ITIH6: variants seen among roughly 807,000 people sequenced by gnomAD.
The protein encoded by ITIH6 is inter-alpha-trypsin inhibitor heavy chain family member 6, also known as inter-alpha-trypsin inhibitor heavy chain H6.
In ITIH6, 60 loss-of-function variants were observed where a neutral mutation model predicts 58.2. That is an observed-to-expected ratio of 1.03 (90% CI 0.84 to 1.28). ITIH6 has a LOEUF of 1.28. Ranked by LOEUF, ITIH6 falls within the 50% of genes most tolerant of loss-of-function variation. The pLI is 0.00. For synonymous variants in ITIH6, 493 were observed against 417.4 expected, an observed-to-expected ratio of 1.18 and a Z score of -2.21; for missense variants, 1,290 against 1,021.1, an observed-to-expected ratio of 1.26 and a Z score of -3.59.
intron 4 of ITIH6, among the ~76,000 whole-genome samples, chrX:54,789,466 C>T (rs931961034): frequency 6.3e-5 from 7 of 111,947 alleles, no homozygotes; most frequent in South Asian, 3.7e-4. Context: ...CTTCCTTCCT[C>T]TCAGAGCTCT....
chrX:54,773,694 T>TA (rs1170048488), intron 6 of ITIH6, among the ~76,000 whole-genome samples: 1,130 of 98,665 alleles, frequency 0.011, 10 homozygotes, highest in South Asian at 0.022. Context: ...GCCTTTAAAG[T>TA]AAAAAAAAAA....
rs776625185 is a variant in ITIH6, at chrX:54,758,063, A to T, written c.2011T>A (p.Ser671Thr). ...TTGGTAGAGGCAGTAGTAGTTGAGGATAAGTAGAACTTTGGTTTCACAGGC... is the reference window on the plus strand; with the variant it reads ...TTGGTAGAGGCAGTAGTAGTTGAGGTTAAGTAGAACTTTGGTTTCACAGGC... Reference protein sequence around the residue: ...SRPVKPKFYLSSTTTASTKKM... With the variant: ...SRPVKPKFYLTSTTTASTKKM... The change falls in exon 8 of 13, where the codon TCC becomes ACC. Residue 671 changes from serine (S) to threonine (T), a missense_variant. Ser to Thr is a moderately conservative substitution (Grantham distance 58). Transcript: ENST00000218436. The T allele has an allele frequency of 8.3e-7, 1 of 1,209,577 alleles. No homozygotes were observed. Among genetic ancestry groups the T allele is most frequent in the African/African-American group, 1.8e-5 (1 of 57,045 alleles).
intron 11 of ITIH6, among the ~76,000 whole-genome samples, chrX:54,753,100 C>T (rs973859068): frequency 1.8e-5 from 2 of 112,998 alleles, no homozygotes; most frequent in South Asian, 7.2e-4. Context: ...CAAACAAGGG[C>T]AATTTTTCAA....
At position 54,779,630 on chromosome X, in the gene ITIH6, T is replaced by C. The variant is rs769692988; in HGVS notation, c.787-5433A>G. Among the ~76,000 whole-genome samples, 155 of 110,416 alleles carry C rather than the reference T, an allele frequency of 1.4e-3. 2 individuals are homozygous for C. Among genetic ancestry groups the C allele is most frequent in the African/African-American group, 4.5e-3 (138 of 30,470 alleles). On this transcript the variant is annotated intron_variant, in intron 5 of 12. Transcript: ENST00000218436. ...GGAAGACAGGAAGGAAAAAAAAGGA[T>C]GAGCAGACCACAAAAAGTAGGAAAA... is the stretch of plus-strand genomic sequence containing the variant.
At chrX:54,753,367 T>C (rs993436252) in intron 11 of ITIH6, among the ~76,000 whole-genome samples, 1 of 112,754 alleles carries the variant, frequency 8.9e-6, no homozygotes, top group African/African-American at 3.2e-5. Flanking sequence ...TTTATGTTTT[T>C]AATTTTTTAT....
chrX:54,772,027 A>T lies in ITIH6; in HGVS notation c.903+2054T>A, dbSNP rs550454174. On this transcript the variant is annotated intron_variant, in intron 6 of 12. Coordinates refer to ENST00000218436, the MANE Select transcript of ITIH6 (RefSeq NM_198510.3). ...TACCCAAAGGAATGTAAGTCGTTCTACCATAAAGACTCATGCACATGTATG... is the reference window on the plus strand; with the variant it reads ...TACCCAAAGGAATGTAAGTCGTTCTTCCATAAAGACTCATGCACATGTATG... Among the ~76,000 whole-genome samples the T allele has an allele frequency of 1.1e-4, 12 of 112,263 alleles. No homozygotes were observed. The South Asian group carries it at 4.5e-3, about 42-fold the overall frequency.
At chrX:54,756,606 C>T (rs1387987536) in intron 8 of ITIH6, among the ~76,000 whole-genome samples, 2 of 111,445 alleles carry the variant, frequency 1.8e-5, no homozygotes, top group Non-Finnish European at 3.8e-5. Context: ...CAATAAGACC[C>T]GCCTCATCCA....
At chrX:54,786,191 C>T (rs1340846784) in intron 5 of ITIH6, among the ~76,000 whole-genome samples, 2 of 112,062 alleles carry the variant, frequency 1.8e-5, no homozygotes, top group Admixed American at 9.4e-5. Flanking sequence ...CTTCAATCCT[C>T]GGGTGGCCCC....
chrX:54,751,179 G>A lies in ITIH6; in HGVS notation c.3554C>T (p.Pro1185Leu). 8.3e-7 allele frequency: 1 copy of A among 1,211,507 alleles called. No homozygotes were observed. Among genetic ancestry groups the A allele is most frequent in the African/African-American group, 1.7e-5 (1 of 57,872 alleles). ...AGCAGCCACATAGAGCTCCAGCTGG[G>A]GCCTCTTCAGCAGGGCAGGTTGGTC... Reference protein sequence around the residue: ...SWDQPALLKRPQLELYVAAAA... With the variant: ...SWDQPALLKRLQLELYVAAAA... Residue 1185 changes from proline (P) to leucine (L), a missense_variant, in exon 12 of 13, where the codon CCC (proline) becomes CTC (leucine). By Grantham distance (98) the Pro-to-Leu change is moderately conservative. Coordinates refer to ENST00000218436, the MANE Select transcript of ITIH6 (RefSeq NM_198510.3).
At position 54,773,677 on chromosome X, in the gene ITIH6, C is replaced by A. The variant is rs778860720; in HGVS notation, c.903+404G>T. Among the ~76,000 whole-genome samples, 12 of 108,673 alleles carry A rather than the reference C, an allele frequency of 1.1e-4. No individual in the cohort carries two copies. In the South Asian group the frequency reaches 5.0e-3, roughly 45 times the overall value. The allele number at this position is 108,673 out of a possible 115,157, so 94.4% of individuals were successfully genotyped here. The stretch of plus-strand genomic sequence containing the variant: ...AATTCTATAATGCTAGTACTCTATA[C>A]TATTAGGCCTTTAAAGTAAAAAAAA... On this transcript the variant is annotated intron_variant, in intron 6 of 12. Coordinates refer to ENST00000218436, the MANE Select transcript of ITIH6 (RefSeq NM_198510.3).
intron 2 of ITIH6, among the ~76,000 whole-genome samples, chrX:54,792,565 T>A (rs1007165205): frequency 4.5e-5 from 5 of 111,114 alleles, no homozygotes; most frequent in Non-Finnish European, 9.4e-5. Flanking sequence ...TAAAAATATA[T>A]TAAGTAAATA....
intron 6 of ITIH6, among the ~76,000 whole-genome samples, chrX:54,764,513 G>C (rs1276154753): frequency 9.4e-6 from 1 of 106,385 alleles, no homozygotes; most frequent in Non-Finnish European, 1.9e-5. Flanking sequence ...TGCAGTGTTT[G>C]ATTTTTTGTT....
chrX:54,787,150 G>T (rs1929257096), intron 5 of ITIH6: 1 of 111,956 alleles, frequency 8.9e-6, no homozygotes, highest in African/African-American at 3.2e-5. Context: ...AGAACACCAG[G>T]TTAAAGCCCC....
chrX:54,766,873 G>A (rs1420299170), intron 6 of ITIH6, among the ~76,000 whole-genome samples: 2 of 105,760 alleles, frequency 1.9e-5, no homozygotes, highest in African/African-American at 7.2e-5. Flanking sequence ...GTCTCTGCCT[G>A]GCTTTGGTAT....
chrX:54,755,993 A>G (rs936052548), intron 8 of ITIH6, among the ~76,000 whole-genome samples: 1 of 111,576 alleles, frequency 9.0e-6, no homozygotes, highest in African/African-American at 3.3e-5. Context: ...GGAGCCTGGA[A>G]CAGTTTTCTA....
intron 5 of ITIH6, among the ~76,000 whole-genome samples, chrX:54,777,746 G>A (rs937051955): frequency 7.1e-5 from 8 of 112,497 alleles, no homozygotes; most frequent in South Asian, 3.7e-4. Flanking sequence ...ACAGCATTAC[G>A]AGGCTTGGGG....
At chrX:54,791,813 G>A in intron 3 of ITIH6, 113 bp downstream of exon 3, 2 of 454,602 alleles carry the variant, frequency 4.4e-6, no homozygotes, top group Non-Finnish European at 7.8e-6. Flanking sequence ...GTGAAGTAGA[G>A]GTCATGTCCC....
rs776916827 is a variant in ITIH6, at chrX:54,758,034, C to CAGGA, written c.2039_2040insTCCT (p.Lys680AsnfsTer72). The CAGGA allele has an allele frequency of 3.3e-6, 4 of 1,211,550 alleles. No homozygotes were observed. The South Asian group carries it at 7.0e-5, about 21-fold the overall frequency. The stretch of plus-strand genomic sequence containing the variant: ...GCTCCAGCTCTTTGGAACTTAGCAT[C>CAGGA]TTCTTGGTAGAGGCAGTAGTAGTTG... On this transcript the variant is annotated frameshift_variant, in exon 8 of 13. Coordinates refer to ENST00000218436, the MANE Select transcript of ITIH6 (RefSeq NM_198510.3). LOFTEE classifies it high-confidence loss of function.
chrX:54,766,132 G>T (rs974665531), intron 6 of ITIH6, among the ~76,000 whole-genome samples: 2 of 110,665 alleles, frequency 1.8e-5, no homozygotes, highest in Non-Finnish European at 3.8e-5. Flanking sequence ...GGATTCCTAG[G>T]TATTTCATTC....
Sources: allele counts gnomAD v4.1 joint callset (sites outside exome capture counted in the v4.1 genomes callset), GRCh38; gene constraint gnomAD v4.1.1; transcripts MANE v1.5; gene names NCBI Gene and HGNC (gene_info 2026-07-23, HGNC 2026-07-21).